KCNJ6: variants seen among roughly 807,000 people sequenced by gnomAD.
The protein encoded by KCNJ6 is G protein-activated inward rectifier potassium channel 2.
KCNJ6 carries 9 observed loss-of-function variants against 34.2 expected under a neutral mutation model. The ratio of observed to expected loss-of-function variants is 0.26; its 90% confidence interval spans 0.16 to 0.46. KCNJ6 has a LOEUF of 0.46. Among genes scored for constraint, KCNJ6 ranks in the 20% least tolerant of loss-of-function variants. KCNJ6 has a pLI of 1.00. For missense variants in KCNJ6, 236 were observed against 531.3 expected (o/e 0.44, Z 5.46); for synonymous variants, 196 against 207.1 (o/e 0.95, Z 0.46).
chr21:37,607,482 A>ATATATATATATTTT lies in KCNJ6; in HGVS notation c.*17676_*17677insAAAATATATATATA. 2.0e-3 allele frequency: 271 copies of ATATATATATATTTT among 136,734 alleles called. No homozygotes were observed. The highest frequency in any genetic ancestry group is 0.012 in the Middle Eastern group (3 of 258). The allele number at this position is 136,734 out of a possible 1,614,324, so 8.5% of individuals were successfully genotyped here. A position where few individuals can be genotyped will look rare whatever the true frequency, so the allele number is the denominator to read the frequency against. ...CTTAAAGATATATATATATATATAT[A>ATATATATATATTTT]TTTTTTTTTTATTTTAAAAAAATTT... On this transcript the variant is annotated 3_prime_UTR_variant, in exon 4 of 4. Transcript: ENST00000609713.
intron 2 of KCNJ6, among the ~76,000 whole-genome samples, chr21:37,728,501 A>G (rs1432936949): frequency 1.3e-5 from 2 of 152,234 alleles, no homozygotes. Flanking sequence ...GAAAGCATAA[A>G]TATATTTAAA....
chr21:37,839,684 GA>G (rs1280423798), intron 2 of KCNJ6, among the ~76,000 whole-genome samples: 1 of 151,910 alleles, frequency 6.6e-6, no homozygotes, highest in African/African-American at 2.4e-5. Context: ...TTTTTCAAAG[GA>G]AAAAAATATG....
At chr21:37,795,042 G>A (rs1458974006) in intron 2 of KCNJ6, among the ~76,000 whole-genome samples, 1 of 152,162 alleles carries the variant, frequency 6.6e-6, no homozygotes, top group Non-Finnish European at 1.5e-5. Context: ...AGGCTGGTAT[G>A]AAGTAGGTAA....
intron 1 of KCNJ6, among the ~76,000 whole-genome samples, chr21:37,914,244 C>T (rs1401813283): frequency 6.6e-6 from 1 of 152,160 alleles, no homozygotes; most frequent in African/African-American, 2.4e-5. Context: ...TATCCAGATT[C>T]TGCACGAGCC....
At chr21:37,798,796 T>C (rs2055255421) in intron 2 of KCNJ6, among the ~76,000 whole-genome samples, 4 of 152,096 alleles carry the variant, frequency 2.6e-5, no homozygotes, top group Non-Finnish European at 5.9e-5. Flanking sequence ...GGCTTCTTTT[T>C]GAGGTGATAG....
chr21:37,873,986 TC>T (rs1395575142), intron 1 of KCNJ6, among the ~76,000 whole-genome samples: 1 of 152,090 alleles, frequency 6.6e-6, no homozygotes, highest in Non-Finnish European at 1.5e-5. Context: ...CTCTTCAACT[TC>T]TATCTCCATT....
intron 3 of KCNJ6, among the ~76,000 whole-genome samples, chr21:37,681,406 G>A (rs891012507): frequency 5.9e-5 from 9 of 152,348 alleles, no homozygotes; most frequent in African/African-American, 1.9e-4. Flanking sequence ...CCTCTGATGT[G>A]CTCTTCTCTT....
intron 2 of KCNJ6, among the ~76,000 whole-genome samples, chr21:37,772,373 C>T (rs2055121808): frequency 6.6e-6 from 1 of 152,112 alleles, no homozygotes; most frequent in Non-Finnish European, 1.5e-5. Flanking sequence ...CACACACACA[C>T]ATGCATGCAT....
At chr21:37,794,744 G>T (rs947119555) in intron 2 of KCNJ6, among the ~76,000 whole-genome samples, 1 of 152,070 alleles carries the variant, frequency 6.6e-6, no homozygotes, top group Non-Finnish European at 1.5e-5. Flanking sequence ...GGGGGCAAGG[G>T]GAGGGAGAAC....
intron 3 of KCNJ6, among the ~76,000 whole-genome samples, chr21:37,713,910 G>A (rs2054776129): frequency 6.6e-6 from 1 of 152,150 alleles, no homozygotes; most frequent in African/African-American, 2.4e-5. Flanking sequence ...TTTAAAACAT[G>A]CTTTAGAGAC....
rs1461714759 is a variant in KCNJ6, at chr21:37,850,965, G to GATTC, written c.-27-10257_-27-10256insGAAT. Among the ~76,000 whole-genome samples the GATTC allele has an allele frequency of 3.9e-3, 593 of 152,290 alleles. 3 individuals are homozygous for GATTC. Among genetic ancestry groups the GATTC allele is most frequent in the African/African-American group, 0.013 (527 of 41,556 alleles). On this transcript the variant is annotated intron_variant, in intron 1 of 3. Transcript: ENST00000609713. ...GGGTTGCAGTGAAGAGTAATTGATT[G>GATTC]ATTGATTCATTCATTCATTCATGGC...
chr21:37,913,543 G>C (rs1177117393), intron 1 of KCNJ6, among the ~76,000 whole-genome samples: 1 of 152,230 alleles, frequency 6.6e-6, no homozygotes, highest in African/African-American at 2.4e-5. Flanking sequence ...GGCTGGGCCG[G>C]ATACGGTGGC....
rs2054229218 is a variant in KCNJ6, at chr21:37,607,683, G to T, written c.*17476C>A. On this transcript the variant is annotated 3_prime_UTR_variant, in exon 4 of 4. Transcript: ENST00000609713. ...CCTACCTGGTGTTCCTTCCTAAAAA[G>T]CATGGTGGAAAAGTTGGCAAGATTG... 1 of 151,976 alleles carries T rather than the reference G, an allele frequency of 6.6e-6. No homozygotes were observed. Among genetic ancestry groups the T allele is most frequent in the Non-Finnish European group, 1.5e-5 (1 of 67,990 alleles). 9.4% of individuals were successfully genotyped at this position (151,976 alleles called of 1,614,324 possible).
At chr21:37,890,515 T>C (rs1288542839) in intron 1 of KCNJ6, among the ~76,000 whole-genome samples, 1 of 152,222 alleles carries the variant, frequency 6.6e-6, no homozygotes, top group Non-Finnish European at 1.5e-5. Context: ...AAAAGACTTC[T>C]GCTTTCGTGG....
chr21:37,647,800 C>G (rs2054412415), intron 3 of KCNJ6, among the ~76,000 whole-genome samples: 3 of 152,186 alleles, frequency 2.0e-5, no homozygotes, highest in Admixed American at 2.0e-4. Context: ...TGTGGAACAC[C>G]TCTGCCCCCC....
At chr21:37,627,952 A>G (rs1177438370) in intron 3 of KCNJ6, among the ~76,000 whole-genome samples, 1 of 152,260 alleles carries the variant, frequency 6.6e-6, no homozygotes, top group African/African-American at 2.4e-5. Context: ...TTAACTGAGC[A>G]GAGACTTTAG....
rs2054227181 is a variant in KCNJ6 at position 37,607,460 on chromosome 21, A to AT, written c.*17698_*17699insA. On this transcript the variant is annotated 3_prime_UTR_variant, in exon 4 of 4. Transcript: ENST00000609713. ...AGTTTCCCTAACACAGCGAGTTCTT[A>AT]AAGATATATATATATATATATATTT... The AT allele has an allele frequency of 9.3e-6, 1 of 107,374 alleles. No homozygotes were observed. The highest frequency in any genetic ancestry group is 1.8e-5 in the Non-Finnish European group (1 of 55,112). 6.7% of individuals were successfully genotyped at this position (107,374 alleles called of 1,614,324 possible). A position where few individuals can be genotyped will look rare whatever the true frequency, so the allele number is the denominator to read the frequency against.
chr21:37,654,141 A>G (rs4239800), intron 3 of KCNJ6, among the ~76,000 whole-genome samples: 21,955 of 127,362 alleles, frequency 0.17, 2,780 homozygotes, highest in African/African-American at 0.37. Flanking sequence ...TGTGAGCATT[A>G]GGGATCATGG....
At position 37,617,136 on chromosome 21, in the gene KCNJ6, T is replaced by A. The variant is rs201951509; in HGVS notation, c.*8023A>T. 1 of 125,636 alleles carries A rather than the reference T, an allele frequency of 8.0e-6. No individual in the cohort carries two copies. Among genetic ancestry groups the A allele is most frequent in the Admixed American group, 8.7e-5 (1 of 11,524 alleles). 7.8% of individuals were successfully genotyped at this position (125,636 alleles called of 1,614,324 possible). On this transcript the variant is annotated 3_prime_UTR_variant, in exon 4 of 4. Transcript: ENST00000609713. ...TCCTTCTTCCTTCCTTCCTTCTTTC[T>A]TTCCTTCCTTCCTTCCTTCTTTCTT...
Sources: gnomAD v4.1 joint callset for allele counts (sites outside exome capture counted in the v4.1 genomes callset) on GRCh38, gnomAD v4.1.1 for gene constraint, MANE v1.5 for transcripts, NCBI Gene and HGNC (gene_info 2026-07-23, HGNC 2026-07-21) for gene names.